LRRC38: variants seen among roughly 807,000 people sequenced by gnomAD.
LRRC38 encodes leucine-rich repeat-containing protein 38.
In LRRC38, 5 loss-of-function variants were observed where a neutral mutation model predicts 16.4. The observed-to-expected ratio is 0.31, with a 90% CI of 0.16 to 0.64. The LOEUF (loss-of-function observed/expected upper bound fraction) is 0.64, where lower values mean the gene tolerates loss of function less well. Ranked by LOEUF, LRRC38 falls within the 30% of genes least tolerant of loss-of-function variation. LRRC38 has a pLI of 0.80. For missense variants in LRRC38, 341 were observed against 401.8 expected (o/e 0.85, Z 1.29); for synonymous variants, 191 against 190.2 (o/e 1.00, Z -0.04).
In LRRC38 at chr1:13,476,962, G is replaced by A. The variant is rs117560440; in HGVS notation, c.632-863C>T. On this transcript the variant is annotated intron_variant, in intron 1 of 1. Transcript: ENST00000376085. ...AAAAATACAAAATACAAAATTAGCC[G>A]GGCATGGTGGTGTGTTCCTGTAATT... 8.6e-3 allele frequency among the ~76,000 whole-genome samples: 1,310 copies of A among 152,224 alleles called. 39 individuals carry two copies. Among genetic ancestry groups the A allele is most frequent in the East Asian group, 0.059 (303 of 5,170 alleles).
intron 1 of LRRC38, among the ~76,000 whole-genome samples, chr1:13,489,883 A>T (rs185156643): frequency 1.3e-5 from 2 of 152,114 alleles, no homozygotes. Context: ...AGGAAGCTAC[A>T]TCTGCAGCTT....
intron 1 of LRRC38, among the ~76,000 whole-genome samples, chr1:13,505,618 A>T (rs1480018589): frequency 1.3e-5 from 2 of 152,184 alleles, no homozygotes. Context: ...CTGCATTTCT[A>T]GTGGGACAAA....
Position 13,487,118 on chromosome 1 carries a change from G to A in LRRC38, c.632-11019C>T, listed in dbSNP as rs915009756. 6.6e-6 allele frequency among the ~76,000 whole-genome samples: 1 copy of A among 152,154 alleles called. No individual in the cohort carries two copies. The highest frequency in any genetic ancestry group is 1.5e-5 in the Non-Finnish European group (1 of 68,044). On this transcript the variant is annotated intron_variant, in intron 1 of 1. Coordinates refer to ENST00000376085, the MANE Select transcript of LRRC38 (RefSeq NM_001010847.2). This position sits in a 1 kb window ranked among gnomAD's most constrained non-coding sequence, Gnocchi z 4.4. Reference sequence around the variant, plus strand: ...ATTCTCTTCTGAGCCTGCTTCTCCAGGCTTCTCTTCAATTCTGTGAACTAT... The same window carrying A: ...ATTCTCTTCTGAGCCTGCTTCTCCAAGCTTCTCTTCAATTCTGTGAACTAT...
intron 1 of LRRC38, among the ~76,000 whole-genome samples, chr1:13,485,277 T>TAAAAAAAAAAAAAAA (rs3060199): frequency 1.0e-5 from 1 of 97,822 alleles, no homozygotes; most frequent in African/African-American, 3.8e-5. Context: ...AACCCCACCT[T>TAAAAAAAAAAAAAAA]AAAAAAAAAA....
chr1:13,492,351 C>T (rs1313629711), intron 1 of LRRC38, among the ~76,000 whole-genome samples: 1 of 152,188 alleles, frequency 6.6e-6, no homozygotes, highest in Non-Finnish European at 1.5e-5. Flanking sequence ...GTTGTTGTTA[C>T]ATTTATTTGG....
chr1:13,476,910 C>A (rs897611359), intron 1 of LRRC38, among the ~76,000 whole-genome samples: 5 of 151,954 alleles, frequency 3.3e-5, no homozygotes, highest in African/African-American at 1.2e-4. Context: ...ACCAGCCTGG[C>A]CAACATGGTG....
chr1:13,512,944 C>A lies in LRRC38; in HGVS notation c.631+19G>T, dbSNP rs1247808605. The A allele has an allele frequency of 2.0e-6, 3 of 1,531,040 alleles. No individual in the cohort carries two copies. Among genetic ancestry groups the A allele is most frequent in the Admixed American group, 4.0e-5 (2 of 49,978 alleles). The allele number at this position is 1,531,040 out of a possible 1,614,324, so 94.8% of individuals were successfully genotyped here. A position where few individuals can be genotyped will look rare whatever the true frequency, so the allele number is the denominator to read the frequency against. The stretch of plus-strand genomic sequence containing the variant: ...CTGCCCCCCTCCCTCCCTCCCCCAG[C>A]CTAGCCGGCTCGGCTCACCTTTGGG... On this transcript the variant is annotated intron_variant, in intron 1 of 1. Coordinates refer to ENST00000376085, the MANE Select transcript of LRRC38 (RefSeq NM_001010847.2).
chr1:13,495,848 G>A (rs1639074137), intron 1 of LRRC38, among the ~76,000 whole-genome samples: 1 of 152,102 alleles, frequency 6.6e-6, no homozygotes, highest in Non-Finnish European at 1.5e-5. Context: ...ATCTTCTGAG[G>A]TCAGAACAAG....
intron 1 of LRRC38, among the ~76,000 whole-genome samples, chr1:13,502,443 C>G (rs1210336274): frequency 1.3e-5 from 2 of 152,016 alleles, no homozygotes; most frequent in African/African-American, 4.8e-5. Flanking sequence ...GGGAGGGTTC[C>G]TCACCCGCTC....
At chr1:13,498,860 G>A (rs187596749) in intron 1 of LRRC38, among the ~76,000 whole-genome samples, 1 of 152,136 alleles carries the variant, frequency 6.6e-6, no homozygotes, top group African/African-American at 2.4e-5. Flanking sequence ...GGCATCGGCA[G>A]CGCTGGTTCT....
chr1:13,481,039 G>A (rs1428822486), intron 1 of LRRC38, among the ~76,000 whole-genome samples: 1 of 152,150 alleles, frequency 6.6e-6, no homozygotes, highest in Admixed American at 6.5e-5. Context: ...GATGGTATCT[G>A]GAGGTGAGGC....
intron 1 of LRRC38, among the ~76,000 whole-genome samples, chr1:13,483,876 G>C (rs1638898592): frequency 1.3e-5 from 2 of 151,586 alleles, no homozygotes; most frequent in Admixed American, 6.6e-5. Flanking sequence ...ATATGAGAAG[G>C]GTGCCCATAT....
intron 1 of LRRC38, among the ~76,000 whole-genome samples, chr1:13,490,577 T>C (rs1638999785): frequency 6.6e-6 from 1 of 152,036 alleles, no homozygotes; most frequent in South Asian, 2.1e-4. Flanking sequence ...CCTCCCCATG[T>C]CCACCTCCAC....
chr1:13,486,601 T>C (rs190486833), intron 1 of LRRC38, among the ~76,000 whole-genome samples: 374 of 150,278 alleles, frequency 2.5e-3, no homozygotes, highest in Admixed American at 5.4e-3. Context: ...TTTTTTTTTT[T>C]TTTTTTTGAG....
At chr1:13,503,592 A>G (rs552003915) in intron 1 of LRRC38, among the ~76,000 whole-genome samples, 26 of 152,102 alleles carry the variant, frequency 1.7e-4, no homozygotes, top group Non-Finnish European at 2.9e-4. Context: ...TTATATACCT[A>G]TATTCTCTGC....
chr1:13,486,138 C>T (rs1460137652), intron 1 of LRRC38, among the ~76,000 whole-genome samples: 1 of 152,020 alleles, frequency 6.6e-6, no homozygotes, highest in Non-Finnish European at 1.5e-5. Context: ...GGGGTTTCGC[C>T]ATATTGGCCA....
Position 13,503,608 on chromosome 1 carries a change from C to T in LRRC38, c.631+9355G>A, listed in dbSNP as rs16850960. 2.7e-3 allele frequency among the ~76,000 whole-genome samples: 417 copies of T among 152,274 alleles called. 3 individuals carry two copies. The highest frequency in any genetic ancestry group is 9.7e-3 in the African/African-American group (401 of 41,552). Reference sequence around the variant, plus strand: ...TATATACCTATATTCTCTGCTGACTCCAACTGGCTGCTTCTGCTAACCTCA... The same window carrying T: ...TATATACCTATATTCTCTGCTGACTTCAACTGGCTGCTTCTGCTAACCTCA... On this transcript the variant is annotated intron_variant, in intron 1 of 1. Coordinates refer to ENST00000376085, the MANE Select transcript of LRRC38 (RefSeq NM_001010847.2).
intron 1 of LRRC38, among the ~76,000 whole-genome samples, chr1:13,485,296 G>C (rs187301622): frequency 3.5e-4 from 38 of 107,560 alleles, no homozygotes; most frequent in African/African-American, 1.6e-3. Context: ...AAAAAAAAAC[G>C]GCCAGGCACA....
chr1:13,508,223 C>A (rs952177257), intron 1 of LRRC38, among the ~76,000 whole-genome samples: 2 of 152,158 alleles, frequency 1.3e-5, no homozygotes, highest in African/African-American at 4.8e-5. Flanking sequence ...GGTGGCAGAG[C>A]AAGACCCCAT....
Sources: gnomAD v4.1 joint callset for allele counts (sites outside exome capture counted in the v4.1 genomes callset) on GRCh38, gnomAD v4.1.1 for gene constraint, Gnocchi (gnomAD v3.1) non-coding constraint, MANE v1.5 for transcripts, NCBI Gene and HGNC (gene_info 2026-07-23, HGNC 2026-07-21) for gene names.